The following VRK3 variants were observed in gnomAD, a reference collection of about 807,000 sequenced individuals.
VRK3 encodes the protein serine/threonine-protein kinase VRK3.
VRK3 carries 50 observed loss-of-function variants against 60.4 expected under a neutral mutation model. The ratio of observed to expected loss-of-function variants is 0.83; its 90% CI spans 0.66 to 1.05. The LOEUF is 1.05. Among genes scored for constraint, VRK3 ranks in the 50% least tolerant of loss-of-function variants. The pLI, the probability that VRK3 is intolerant of heterozygous loss-of-function variation, is 0.00. For synonymous variants in VRK3, 246 were observed against 227.8 expected (o/e 1.08, Z -0.72); for missense variants, 549 against 585.3 (o/e 0.94, Z 0.64).
In VRK3 at chr19:49,983,824, G is replaced by A. The variant is rs184721959; in HGVS notation, c.1218-2811C>T. Among the ~76,000 whole-genome samples the A allele has an allele frequency of 9.2e-5, 14 of 152,290 alleles. No individual in the cohort carries two copies. In the East Asian group the frequency reaches 2.7e-3, roughly 29 times the overall value. On this transcript the variant is annotated intron_variant, in intron 12 of 14. Coordinates refer to ENST00000316763, the MANE Select transcript of VRK3 (RefSeq NM_016440.4). ...CATGTAGCAACATCGCCCCCTTGTG[G>A]TCCCCTTGGTTATTGTCTGGGCTAA...
chr19:49,995,198 T>C lies in VRK3; in HGVS notation c.757A>G (p.Lys253Glu). 1 of 1,614,130 alleles carries C rather than the reference T, an allele frequency of 6.2e-7. No individual in the cohort carries two copies. Reference protein sequence around the residue: ...TCMGFGVHQDKYRFLVLPSLG... With the variant: ...TCMGFGVHQDEYRFLVLPSLG... Reference sequence around the variant, plus strand: ...GTGAGCAGAGCAGCTCACCTGTATTTGTCCTGGTGAACACCGAAACCCATG... The same window carrying C: ...GTGAGCAGAGCAGCTCACCTGTATTCGTCCTGGTGAACACCGAAACCCATG... Residue 253 changes from lysine (K) to glutamate (E), a missense_variant, in exon 8 of 15, where the codon AAA becomes GAA. Transcript: ENST00000316763.
chr19:49,984,494 C>T (rs1191456665), intron 12 of VRK3, among the ~76,000 whole-genome samples: 1 of 152,192 alleles, frequency 6.6e-6, no homozygotes, highest in African/African-American at 2.4e-5. Context: ...CCTGCAGCTC[C>T]TGCTTCCTGT....
intron 1 of VRK3, among the ~76,000 whole-genome samples, chr19:50,023,248 C>T (rs1014934707): frequency 6.6e-6 from 1 of 152,178 alleles, no homozygotes; most frequent in African/African-American, 2.4e-5. Flanking sequence ...TGCAATGGCA[C>T]GATCTCGGCT....
intron 2 of VRK3, among the ~76,000 whole-genome samples, chr19:50,017,010 T>G (rs965292232): frequency 1.4e-5 from 2 of 142,416 alleles, no homozygotes; most frequent in African/African-American, 6.0e-5. Flanking sequence ...TCCAACATGG[T>G]GAAACCCTGT....
At chr19:50,019,209 T>C (rs1468796243) in intron 2 of VRK3, 1 of 149,242 alleles carries the variant, frequency 6.7e-6, no homozygotes, top group Non-Finnish European at 1.5e-5. Context: ...AAACAAAAAT[T>C]TTTTCTTTTC....
At chr19:50,015,074 C>T (rs1393459223) in intron 3 of VRK3, among the ~76,000 whole-genome samples, 6 of 151,966 alleles carry the variant, frequency 3.9e-5, no homozygotes, top group South Asian at 2.1e-4. Context: ...CCCCAGGGTC[C>T]GGCCTGGGAA....
At chr19:49,997,344 C>T in intron 7 of VRK3, 160 bp downstream of exon 7, 1 of 690,058 alleles carries the variant, frequency 1.4e-6, no homozygotes, top group Non-Finnish European at 2.4e-6. Flanking sequence ...ACACTGAGGC[C>T]TGAGGGGTCA....
intron 12 of VRK3, among the ~76,000 whole-genome samples, chr19:49,984,977 G>T (rs985142048): frequency 1.3e-5 from 2 of 152,118 alleles, no homozygotes; most frequent in Non-Finnish European, 2.9e-5. Context: ...ATCCAGAGAA[G>T]GATGTGTGTG....
Position 49,997,486 on chromosome 19 carries a change from C to T in VRK3, c.679+18G>A, listed in dbSNP as rs759981552. The T allele has an allele frequency of 1.2e-6, 2 of 1,613,468 alleles. No individual in the cohort carries two copies. The highest frequency in any genetic ancestry group is 4.5e-5 in the East Asian group (2 of 44,872). On this transcript the variant is annotated intron_variant, in intron 7 of 14. Coordinates refer to ENST00000316763, the MANE Select transcript of VRK3 (RefSeq NM_016440.4). ...CCCCCCTCACTCTCCCCTCCTTGCC[C>T]AGTTCCCTGTCAGGTACCTTGCAGA...
chr19:49,990,965 A>G (rs1316950592), intron 10 of VRK3, among the ~76,000 whole-genome samples: 1 of 150,974 alleles, frequency 6.6e-6, no homozygotes. Context: ...ATTATTTTTT[A>G]TTTTGTACAG....
chr19:49,989,094 T>C (rs2076566584), intron 11 of VRK3, among the ~76,000 whole-genome samples: 1 of 152,098 alleles, frequency 6.6e-6, no homozygotes, highest in East Asian at 1.9e-4. Flanking sequence ...AGGGGTGCCA[T>C]CCCTGTACTG....
At chr19:50,023,573 T>C (rs1375914224) in intron 1 of VRK3, among the ~76,000 whole-genome samples, 3 of 152,260 alleles carry the variant, frequency 2.0e-5, no homozygotes, top group African/African-American at 7.2e-5. Flanking sequence ...TACTCTGACT[T>C]ACTAGAATGT....
intron 5 of VRK3, among the ~76,000 whole-genome samples, chr19:50,004,903 C>A (rs1374932639): frequency 6.6e-6 from 1 of 151,210 alleles, no homozygotes; most frequent in Admixed American, 6.6e-5. Flanking sequence ...GAGCGAGACT[C>A]CATCTCTTAA....
intron 3 of VRK3, among the ~76,000 whole-genome samples, chr19:50,014,374 A>G (rs2077040796): frequency 6.6e-6 from 1 of 152,078 alleles, no homozygotes; most frequent in Non-Finnish European, 1.5e-5. Flanking sequence ...GCCGGCCAAC[A>G]TGGTGAAACC....
At chr19:50,019,698 TTTTTTTTTTTTTTTTA>T in intron 2 of VRK3, among the ~76,000 whole-genome samples, 1 of 123,868 alleles carries the variant, frequency 8.1e-6, no homozygotes, top group African/African-American at 3.1e-5. Flanking sequence ...TTTTTTTTTT[TTTTTTTTTTTTTTTTA>T]CTTTTTGTAG....
At position 49,988,435 on chromosome 19, in the gene VRK3, T is replaced by C. The variant is rs201057607; in HGVS notation, c.1154A>G (p.Tyr385Cys). ...GCAATTTGTCCATGGCAGAAACCCGTAGAGCCACTTCAGCATGCAGTAGCC... is the reference window on the plus strand; with the variant it reads ...GCAATTTGTCCATGGCAGAAACCCGCAGAGCCACTTCAGCATGCAGTAGCC... ...SLGYCMLKWL[Y>C]GFLPWTNCLP... The change falls in exon 12 of 15, where the codon TAC becomes TGC. Residue 385 changes from tyrosine (Y) to cysteine (C), a missense_variant. Physicochemically the swap from Tyr to Cys is radical, Grantham distance 194. Transcript: ENST00000316763. The C allele has an allele frequency of 1.5e-5, 24 of 1,613,792 alleles. No individual in the cohort carries two copies. The African/African-American group carries it at 1.7e-4, about 12-fold the overall frequency.
chr19:50,019,746 C>T (rs2077140883), intron 2 of VRK3, among the ~76,000 whole-genome samples: 1 of 126,590 alleles, frequency 7.9e-6, no homozygotes, highest in African/African-American at 2.9e-5. Flanking sequence ...TGCTATGTTG[C>T]CCTGGTCTCG....
Position 49,994,800 on chromosome 19 carries a change from T to C in VRK3, c.870+14A>G. On this transcript the variant is annotated intron_variant, in intron 9 of 14. Transcript: ENST00000316763. The stretch of plus-strand genomic sequence containing the variant: ...CTCCCTGACGCGGCAGCTGAGCAAC[T>C]TCTGGGTACGCACCAGCCGGCAGGC... 1 of 1,608,890 alleles carries C rather than the reference T, an allele frequency of 6.2e-7. No individual in the cohort carries two copies. Among genetic ancestry groups the C allele is most frequent in the Non-Finnish European group, 8.5e-7 (1 of 1,176,840 alleles).
intron 12 of VRK3, among the ~76,000 whole-genome samples, chr19:49,982,654 G>A (rs2076443134): frequency 6.6e-6 from 1 of 152,318 alleles, no homozygotes; most frequent in East Asian, 1.9e-4. Flanking sequence ...GGCCATGAAA[G>A]AACAGCAAGA....
Sources: allele counts gnomAD v4.1 joint callset (sites outside exome capture counted in the v4.1 genomes callset), GRCh38; gene constraint gnomAD v4.1.1; transcripts MANE v1.5; gene names NCBI Gene and HGNC (gene_info 2026-07-23, HGNC 2026-07-21).